DPRX: variants seen among roughly 807,000 people sequenced by gnomAD.
The protein encoded by DPRX is divergent paired-related homeobox.
A neutral mutation model predicts 8.4 loss-of-function variants in DPRX; 11 were observed. That is an observed-to-expected ratio of 1.31 (90% confidence interval 0.82 to 2.17). DPRX has a LOEUF of 2.17. Among genes scored for constraint, DPRX ranks in the 30% most tolerant of loss-of-function variants. The pLI is 0.00. For missense variants in DPRX, 211 were observed against 236.7 expected, an observed-to-expected ratio of 0.89 and a Z score of 0.71; for synonymous variants, 72 against 87.0, an observed-to-expected ratio of 0.83 and a Z score of 0.96.
intron 1 of DPRX, among the ~76,000 whole-genome samples, chr19:53,632,641 A>G (rs1244712696): frequency 6.6e-6 from 1 of 151,552 alleles, no homozygotes; most frequent in Non-Finnish European, 1.5e-5. Flanking sequence ...ATGGGGTTTC[A>G]CCATGTTAGC....
chr19:53,636,938 T>A (rs1257718284), exon 3 of DPRX: 1 of 1,613,168 alleles, frequency 6.2e-7, no homozygotes, highest in Admixed American at 1.7e-5. Context: ...CGCTCCAAGC[T>A]TCCATTCTGG....
chr19:53,612,322 G>A, the DPRX span, among the ~76,000 whole-genome samples: 1 of 152,156 alleles, frequency 6.6e-6, no homozygotes, highest in Non-Finnish European at 1.5e-5. Context: ...GGTTGAGGTT[G>A]CAGTGAGCTA....
chr19:53,629,143 G>A (rs1972737884), upstream of DPRX, among the ~76,000 whole-genome samples: 2 of 151,384 alleles, frequency 1.3e-5, no homozygotes, highest in South Asian at 4.2e-4. Flanking sequence ...GTGAAACCAG[G>A]TCTCTACTAA....
At chr19:53,609,382 C>T in the DPRX span, among the ~76,000 whole-genome samples, 4,059 of 139,540 alleles carry the variant, frequency 0.029, 196 homozygotes, top group African/African-American at 0.1. Flanking sequence ...GCAGGAGAAG[C>T]GCTTGAACCT....
the DPRX span, among the ~76,000 whole-genome samples, chr19:53,613,122 G>C: frequency 1.3e-5 from 2 of 152,122 alleles, no homozygotes; most frequent in African/African-American, 4.8e-5. Context: ...GCTAGCCTTG[G>C]GGGAGAAGGA....
At chr19:53,628,636 C>T (rs1266264833), upstream of DPRX, among the ~76,000 whole-genome samples, 1 of 151,700 alleles carries the variant, frequency 6.6e-6, no homozygotes, top group Non-Finnish European at 1.5e-5. Flanking sequence ...CTTGCCCGGG[C>T]AGGAGGGCAA....
At chr19:53,612,499 G>T in the DPRX span, among the ~76,000 whole-genome samples, 1 of 152,130 alleles carries the variant, frequency 6.6e-6, no homozygotes, top group Non-Finnish European at 1.5e-5. Context: ...TTGAGGTCAG[G>T]CGTTCGAGAC....
chr19:53,634,316 A>C (rs1304582363), intron 1 of DPRX, among the ~76,000 whole-genome samples: 1 of 152,158 alleles, frequency 6.6e-6, no homozygotes, highest in Non-Finnish European at 1.5e-5. Flanking sequence ...CTGTAATCCC[A>C]GCTACTCGGG....
the DPRX span, among the ~76,000 whole-genome samples, chr19:53,609,466 C>CAAAAAAAAAAAA: frequency 1.8e-5 from 1 of 55,486 alleles, no homozygotes; most frequent in Non-Finnish European, 3.1e-5. Context: ...GACTCGGTCT[C>CAAAAAAAAAAAA]AAAAAAAAAA....
chr19:53,636,000 C>T (rs1442621042), intron 2 of DPRX, among the ~76,000 whole-genome samples: 1 of 152,078 alleles, frequency 6.6e-6, no homozygotes, highest in East Asian at 1.9e-4. Context: ...GAGTAGGGTT[C>T]CACAAAGAGG....
chr19:53,631,553 G>A (rs148562443), upstream of DPRX, among the ~76,000 whole-genome samples: 831 of 152,120 alleles, frequency 5.5e-3, 11 homozygotes, highest in African/African-American at 0.019. Flanking sequence ...GAGGGCAGGA[G>A]TTCAAGACCA....
chr19:53,623,646 A>C, the DPRX span, among the ~76,000 whole-genome samples: 1 of 151,534 alleles, frequency 6.6e-6, no homozygotes, highest in South Asian at 2.1e-4. Flanking sequence ...CTCAAAAAAA[A>C]CAAAAAGCCA....
chr19:53,612,498 G>A, the DPRX span, among the ~76,000 whole-genome samples: 1 of 152,156 alleles, frequency 6.6e-6, no homozygotes, highest in African/African-American at 2.4e-5. Flanking sequence ...CTTGAGGTCA[G>A]GCGTTCGAGA....
chr19:53,619,492 T>C, the DPRX span, among the ~76,000 whole-genome samples: 7 of 151,922 alleles, frequency 4.6e-5, no homozygotes, highest in Non-Finnish European at 1.0e-4. Context: ...CTGAGCAACA[T>C]GGAGAAACCC....
the DPRX span, among the ~76,000 whole-genome samples, chr19:53,623,306 C>CAAAAAAAT: frequency 6.4e-5 from 5 of 77,798 alleles, no homozygotes; most frequent in South Asian, 4.7e-4. Context: ...GACTCTGTCT[C>CAAAAAAAT]AAAAAAATAA....
exon 3 of DPRX, chr19:53,636,980 G>A (rs1021363380): frequency 1.3e-6 from 2 of 1,597,302 alleles, no homozygotes; most frequent in South Asian, 1.1e-5. Context: ...CCAAAGTCGA[G>A]AGAGATGATA....
At chr19:53,623,324 A>T in the DPRX span, among the ~76,000 whole-genome samples, 3 of 148,910 alleles carry the variant, frequency 2.0e-5, no homozygotes, top group Non-Finnish European at 4.5e-5. Flanking sequence ...TAAATAAATA[A>T]ATAAATAAAT....
the DPRX span, among the ~76,000 whole-genome samples, chr19:53,614,464 C>T: frequency 6.6e-6 from 1 of 151,870 alleles, no homozygotes; most frequent in Non-Finnish European, 1.5e-5. Context: ...TTTCAGAGGC[C>T]TAGGTGGAAG....
At chr19:53,601,858 C>T in the DPRX span, 8 of 367,776 alleles carry the variant, frequency 2.2e-5, no homozygotes, top group Middle Eastern at 9.7e-4. Context: ...TATGTGGGGG[C>T]TGGAGGGGGT....
Sources: allele counts gnomAD v4.1 joint callset (sites outside exome capture counted in the v4.1 genomes callset), GRCh38; gene constraint gnomAD v4.1.1; transcripts MANE v1.5; gene names NCBI Gene and HGNC (gene_info 2026-07-23, HGNC 2026-07-21).